SYNDIG1L: variants seen among roughly 807,000 people sequenced by gnomAD.
The protein encoded by SYNDIG1L is synapse differentiation-inducing gene protein 1-like.
Under a neutral mutation model 20.1 loss-of-function variants are expected in SYNDIG1L, and 13 were observed. The ratio of observed to expected loss-of-function variants is 0.65; its 90% CI spans 0.42 to 1.03. The LOEUF is 1.03. SYNDIG1L is among the 50% of genes least tolerant of loss of function. SYNDIG1L has a pLI of 0.00. For missense variants in SYNDIG1L, 294 were observed against 305.1 expected (o/e 0.96, Z 0.27); for synonymous variants, 128 against 129.3 (o/e 0.99, Z 0.07).
chr14:74,433,524 T>C, the SYNDIG1L span, among the ~76,000 whole-genome samples: 1 of 152,060 alleles, frequency 6.6e-6, no homozygotes, highest in East Asian at 1.9e-4. Context: ...GCTGAGATTA[T>C]AGGCACGCAC....
At chr14:74,418,777 G>A (rs991234911) in intron 1 of SYNDIG1L, among the ~76,000 whole-genome samples, 4 of 152,128 alleles carry the variant, frequency 2.6e-5, no homozygotes, top group African/African-American at 7.2e-5. Context: ...TGCTCTCATC[G>A]ATGGAAGCTG....
At chr14:74,473,265 A>G in the SYNDIG1L span, among the ~76,000 whole-genome samples, 3 of 152,172 alleles carry the variant, frequency 2.0e-5, no homozygotes, top group African/African-American at 7.2e-5. Flanking sequence ...GGCGCCTGTA[A>G]TCCTAGCTAC....
chr14:74,409,668 G>T lies in SYNDIG1L; in HGVS notation c.77C>A (p.Pro26Gln). 6.7e-7 allele frequency: 1 copy of T among 1,498,058 alleles called. No homozygotes were observed. The highest frequency in any genetic ancestry group is 2.4e-5 in the East Asian group (1 of 42,376). The allele number at this position is 1,498,058 out of a possible 1,614,324, so 92.8% of individuals were successfully genotyped here. A position where few individuals can be genotyped will look rare whatever the true frequency, so the allele number is the denominator to read the frequency against. Residue 26 changes from proline (P) to glutamine (Q), a missense_variant, in exon 2 of 4, where the codon CCG becomes CAG. Physicochemically the swap from Pro to Gln is moderately conservative, Grantham distance 76 (BLOSUM62 -1). Coordinates refer to ENST00000331628, the MANE Select transcript of SYNDIG1L (RefSeq NM_001105579.2). ...GCAGGACCAGCTGGGTGGGGTCTCC[G>T]GGTAGGGATAGGGGCCATGGAGATG... ...PAHLHGPYPY[P>Q]ETPPSWSCQE...
upstream of SYNDIG1L, among the ~76,000 whole-genome samples, chr14:74,426,496 G>A (rs1405133178): frequency 6.6e-6 from 1 of 152,114 alleles, no homozygotes; most frequent in Non-Finnish European, 1.5e-5. Context: ...GAGGCCCTTG[G>A]GCTTCTTGAA....
At position 74,415,619 on chromosome 14, in the gene SYNDIG1L, C is replaced by T. The variant is rs77654878; in HGVS notation, c.-57-5818G>A. The stretch of plus-strand genomic sequence containing the variant: ...GCAATGGCATGATTCCAGCTCACTG[C>T]GCCTCGACTTTTTGGGCTCAAGGGA... On this transcript the variant is annotated intron_variant, in intron 1 of 3. Coordinates refer to ENST00000331628, the MANE Select transcript of SYNDIG1L (RefSeq NM_001105579.2). 1.4e-3 allele frequency among the ~76,000 whole-genome samples: 218 copies of T among 152,180 alleles called. 2 individuals carry two copies. The highest frequency in any genetic ancestry group is 9.5e-3 in the East Asian group (49 of 5,184).
the SYNDIG1L span, among the ~76,000 whole-genome samples, chr14:74,452,983 G>A: frequency 6.6e-6 from 1 of 152,154 alleles, no homozygotes. Context: ...GACCAGAAAA[G>A]TGTACATACA....
upstream of SYNDIG1L, among the ~76,000 whole-genome samples, chr14:74,427,103 C>T (rs576091197): frequency 5.0e-4 from 75 of 150,260 alleles, no homozygotes; most frequent in Admixed American, 6.7e-4. Flanking sequence ...CTTTATCCAC[C>T]TCCACCTGCG....
the SYNDIG1L span, among the ~76,000 whole-genome samples, chr14:74,433,280 G>C: frequency 6.6e-6 from 1 of 152,184 alleles, no homozygotes; most frequent in African/African-American, 2.4e-5. Flanking sequence ...TCAAGGGACA[G>C]AGTAAGTTCA....
intron 1 of SYNDIG1L, among the ~76,000 whole-genome samples, chr14:74,411,733 C>T (rs1343161611): frequency 6.6e-6 from 1 of 152,072 alleles, no homozygotes; most frequent in East Asian, 1.9e-4. Context: ...TCCTAGGAAG[C>T]GGGGTGGGGG....
At chr14:74,472,816 GAGGA>G in the SYNDIG1L span, among the ~76,000 whole-genome samples, 1 of 152,168 alleles carries the variant, frequency 6.6e-6, no homozygotes, top group Non-Finnish European at 1.5e-5. Flanking sequence ...CCTGTGGCTG[GAGGA>G]AGGAAGTACA....
At chr14:74,480,017 T>C in the SYNDIG1L span, 103 of 1,457,844 alleles carry the variant, frequency 7.1e-5, no homozygotes, top group Admixed American at 2.3e-3. Flanking sequence ...CAAGTTAATG[T>C]TGTTAAAAAA....
the SYNDIG1L span, among the ~76,000 whole-genome samples, chr14:74,453,289 G>T: frequency 7.4e-6 from 1 of 134,230 alleles, no homozygotes; most frequent in Non-Finnish European, 1.5e-5. Context: ...GGAGGCAGAA[G>T]TTGCAGTGAG....
At chr14:74,422,093 C>A (rs540559605) in intron 1 of SYNDIG1L, among the ~76,000 whole-genome samples, 14 of 152,296 alleles carry the variant, frequency 9.2e-5, no homozygotes, top group Non-Finnish European at 1.9e-4. Flanking sequence ...AACAACCTGT[C>A]TCTCCGCTGA....
chr14:74,441,549 A>G, the SYNDIG1L span, among the ~76,000 whole-genome samples: 1 of 152,128 alleles, frequency 6.6e-6, no homozygotes, highest in African/African-American at 2.4e-5. Context: ...TCTGTTGCCC[A>G]GGTTGCAGTG....
intron 2 of SYNDIG1L, 93 bp downstream of exon 2, chr14:74,409,235 C>T (rs903522333): frequency 5.5e-5 from 54 of 987,146 alleles, no homozygotes; most frequent in Non-Finnish European, 7.4e-5. Flanking sequence ...CATGCCACCA[C>T]GCCAGGCTAA....
At chr14:74,467,119 T>G in the SYNDIG1L span, among the ~76,000 whole-genome samples, 1 of 152,326 alleles carries the variant, frequency 6.6e-6, no homozygotes, top group Non-Finnish European at 1.5e-5. Context: ...TGTTATTTCC[T>G]TTAAAATTTT....
At chr14:74,424,610 T>C (rs1218763257) in intron 1 of SYNDIG1L, among the ~76,000 whole-genome samples, 1 of 152,182 alleles carries the variant, frequency 6.6e-6, no homozygotes, top group Non-Finnish European at 1.5e-5. Context: ...GGCACACTTT[T>C]TTCTCCTTAA....
chr14:74,432,853 CAA>C, the SYNDIG1L span, among the ~76,000 whole-genome samples: 11 of 138,186 alleles, frequency 8.0e-5, no homozygotes, highest in Non-Finnish European at 1.4e-4. Context: ...GATTCTGTCT[CAA>C]AAAAAAAAAG....
At chr14:74,476,405 T>A in the SYNDIG1L span, 1 of 854,944 alleles carries the variant, frequency 1.2e-6, no homozygotes, top group Non-Finnish European at 1.9e-6. Context: ...ATCTGGGACA[T>A]ATGATTTGTG....
Sources: allele counts gnomAD v4.1 joint callset (sites outside exome capture counted in the v4.1 genomes callset), GRCh38; gene constraint gnomAD v4.1.1; transcripts MANE v1.5; gene names NCBI Gene and HGNC (gene_info 2026-07-23, HGNC 2026-07-21).